The following MLLT1 variants were observed in gnomAD, a reference collection of about 807,000 sequenced individuals.
MLLT1 encodes the protein protein ENL.
MLLT1 carries 11 observed loss-of-function variants against 55.1 expected under a neutral mutation model. The observed-to-expected ratio is 0.20, with a 90% CI of 0.13 to 0.33. MLLT1 has a LOEUF of 0.33. MLLT1 is among the 10% of genes least tolerant of loss of function. The pLI is 1.00. For synonymous variants in MLLT1, 323 were observed against 320.1 expected (o/e 1.01, Z -0.10); for missense variants, 536 against 760.6 (o/e 0.70, Z 3.47).
chr19:6,269,170 C>A (rs541892857), intron 2 of MLLT1, among the ~76,000 whole-genome samples: 3 of 152,222 alleles, frequency 2.0e-5, no homozygotes, highest in African/African-American at 2.4e-5. Flanking sequence ...CGGGCATGGC[C>A]GTGCACCAAT....
At chr19:6,216,752 G>A (rs1286374763) in intron 7 of MLLT1, 4 of 540,412 alleles carry the variant, frequency 7.4e-6, no homozygotes, top group Non-Finnish European at 1.3e-5. Context: ...GGCCCTGCTC[G>A]CAGGCCTCAG....
intron 3 of MLLT1, among the ~76,000 whole-genome samples, chr19:6,243,210 C>T (rs960914967): frequency 3.9e-5 from 6 of 152,190 alleles, no homozygotes; most frequent in African/African-American, 1.2e-4. Flanking sequence ...AGTCCCAGCC[C>T]GAGCAGGGCC....
At position 6,231,203 on chromosome 19, in the gene MLLT1, A is replaced by G. The variant is rs2091006668; in HGVS notation, c.277-490T>C. Among the ~76,000 whole-genome samples, 1 of 152,226 alleles carries G rather than the reference A, an allele frequency of 6.6e-6. No homozygotes were observed. The highest frequency in any genetic ancestry group is 1.5e-5 in the Non-Finnish European group (1 of 68,032). ...CACAGCACCCAGAGGGGGCAAAAGTACAAGGTCACGACCCAGTTTCCAGGA... is the reference window on the plus strand; with the variant it reads ...CACAGCACCCAGAGGGGGCAAAAGTGCAAGGTCACGACCCAGTTTCCAGGA... On this transcript the variant is annotated intron_variant, in intron 3 of 11. Transcript: ENST00000252674. The surrounding 1 kb of genome is among the most constrained non-coding windows in gnomAD (Gnocchi z 5.1).
chr19:6,220,400 C>T (rs1472467535), intron 6 of MLLT1, among the ~76,000 whole-genome samples: 1 of 152,276 alleles, frequency 6.6e-6, no homozygotes. Flanking sequence ...TCAAAAGCCT[C>T]TCAGCACGCG....
At chr19:6,217,522 A>AGGGCAC (rs1237108549) in intron 7 of MLLT1, among the ~76,000 whole-genome samples, 2 of 152,148 alleles carry the variant, frequency 1.3e-5, no homozygotes, top group Non-Finnish European at 2.9e-5. Context: ...GGAGAGGGAG[A>AGGGCAC]GGGCACTCCA....
chr19:6,229,742 T>C lies in MLLT1; in HGVS notation c.420+828A>G, dbSNP rs927420143. 3.3e-5 allele frequency among the ~76,000 whole-genome samples: 5 copies of C among 149,274 alleles called. No individual in the cohort carries two copies. The highest frequency in any genetic ancestry group is 7.4e-5 in the Non-Finnish European group (5 of 67,212). On this transcript the variant is annotated intron_variant, in intron 4 of 11. Transcript: ENST00000252674. This position sits in a 1 kb window ranked among gnomAD's most constrained non-coding sequence, Gnocchi z 5.2. ...CCTACATGCCACACATGCCACACAC[T>C]GTACATGCCACACCCCACACATACA...
At chr19:6,237,955 T>C (rs2091079351) in intron 3 of MLLT1, among the ~76,000 whole-genome samples, 1 of 151,808 alleles carries the variant, frequency 6.6e-6, no homozygotes, top group African/African-American at 2.4e-5. Flanking sequence ...AAATTTTTTT[T>C]AATTAGCTGA....
intron 3 of MLLT1, among the ~76,000 whole-genome samples, chr19:6,249,965 G>A (rs554127292): frequency 2.6e-5 from 4 of 152,104 alleles, no homozygotes; most frequent in African/African-American, 7.2e-5. Flanking sequence ...AGTCTGCAAT[G>A]AGCTGTTATT....
chr19:6,247,563 G>A (rs956979310), intron 3 of MLLT1, among the ~76,000 whole-genome samples: 4 of 152,154 alleles, frequency 2.6e-5, no homozygotes, highest in Admixed American at 6.5e-5. Flanking sequence ...GAGAAGGGAC[G>A]GCTCTTCCTT....
chr19:6,268,121 T>A (rs1036000573), intron 2 of MLLT1, among the ~76,000 whole-genome samples: 2 of 152,082 alleles, frequency 1.3e-5, no homozygotes, highest in Admixed American at 6.5e-5. Flanking sequence ...AGCATATGGC[T>A]GTGTGGGTGT....
chr19:6,212,412 CCCCA>C lies in MLLT1; in HGVS notation c.*626_*629del. ...ACCTACAAGCCCCACCGTACGCACC[CCCCA>C]CCCACCCCACGTGCACTGCTGCCAC... On this transcript the variant is annotated 3_prime_UTR_variant, in exon 12 of 12. Coordinates refer to ENST00000252674, the MANE Select transcript of MLLT1 (RefSeq NM_005934.4). 9.4e-7 allele frequency: 1 copy of C among 1,066,018 alleles called. No individual in the cohort carries two copies. Among genetic ancestry groups the C allele is most frequent in the Non-Finnish European group, 1.1e-6 (1 of 879,598 alleles). 66.0% of individuals were successfully genotyped at this position (1,066,018 alleles called of 1,614,324 possible).
intron 10 of MLLT1, 36 bp from the exon 11 acceptor site, chr19:6,213,444 G>A: frequency 1.3e-6 from 2 of 1,523,868 alleles, no homozygotes; most frequent in South Asian, 1.1e-5. Flanking sequence ...AGCGTGTGGG[G>A]GCCCTGGACC....
chr19:6,270,901 C>T lies in MLLT1; in HGVS notation c.13-142G>A, dbSNP rs2091390495. 1.8e-5 allele frequency: 14 copies of T among 777,166 alleles called. No homozygotes were observed. The highest frequency in any genetic ancestry group is 2.8e-5 in the Non-Finnish European group (14 of 506,540). The allele number at this position is 777,166 out of a possible 1,614,324, so 48.1% of individuals were successfully genotyped here. ...CCAGTGAGCAGCACACAGACGGCTT[C>T]CTATCGCGCCAGCACCTTGCCGCAG... On this transcript the variant is annotated intron_variant, in intron 1 of 11. Coordinates refer to ENST00000252674, the MANE Select transcript of MLLT1 (RefSeq NM_005934.4). This position sits in a 1 kb window ranked among gnomAD's most constrained non-coding sequence, Gnocchi z 7.1.
At chr19:6,239,667 CACCT>C (rs946447241) in intron 3 of MLLT1, among the ~76,000 whole-genome samples, 13 of 152,060 alleles carry the variant, frequency 8.5e-5, no homozygotes, top group African/African-American at 1.4e-4. Flanking sequence ...ACTCATCCCT[CACCT>C]ACCTGTGTAC....
chr19:6,227,893 A>G lies in MLLT1; in HGVS notation c.421-791T>C, dbSNP rs1049307370. Among the ~76,000 whole-genome samples, 1 of 152,204 alleles carries G rather than the reference A, an allele frequency of 6.6e-6. No homozygotes were observed. The highest frequency in any genetic ancestry group is 1.5e-5 in the Non-Finnish European group (1 of 68,034). ...ACCACCACAGAGAAAAGCCTCCCAG[A>G]TGGCCGCAAGAGAGAACAAAAGAAG... On this transcript the variant is annotated intron_variant, in intron 4 of 11. Coordinates refer to ENST00000252674, the MANE Select transcript of MLLT1 (RefSeq NM_005934.4). This position sits in a 1 kb window ranked among gnomAD's most constrained non-coding sequence, Gnocchi z 5.1.
intron 1 of MLLT1, among the ~76,000 whole-genome samples, chr19:6,278,662 G>A (rs574381968): frequency 6.6e-6 from 1 of 152,294 alleles, no homozygotes; most frequent in Admixed American, 6.5e-5. Context: ...CTGGACTGGG[G>A]TCAAGTGTGG....
intron 2 of MLLT1, among the ~76,000 whole-genome samples, chr19:6,266,703 T>C (rs893811978): frequency 3.3e-5 from 5 of 152,174 alleles, no homozygotes; most frequent in Admixed American, 2.0e-4. Flanking sequence ...GTGATCCGCC[T>C]GCCTCAGCCT....
chr19:6,230,129 G>A lies in MLLT1; in HGVS notation c.420+441C>T, dbSNP rs1335564436. Among the ~76,000 whole-genome samples, 4 of 152,152 alleles carry A rather than the reference G, an allele frequency of 2.6e-5. No individual in the cohort carries two copies. The highest frequency in any genetic ancestry group is 2.1e-4 in the South Asian group (1 of 4,830). On this transcript the variant is annotated intron_variant, in intron 4 of 11. Coordinates refer to ENST00000252674, the MANE Select transcript of MLLT1 (RefSeq NM_005934.4). This position sits in a 1 kb window ranked among gnomAD's most constrained non-coding sequence, Gnocchi z 9.0. The stretch of plus-strand genomic sequence containing the variant: ...ACTCCAGCCACCGCATGGGGGTCCC[G>A]GCCACACGACTCCTGGAGAGCCCTG...
At chr19:6,221,426 TG>T (rs1197491182) in intron 6 of MLLT1, among the ~76,000 whole-genome samples, 1 of 152,220 alleles carries the variant, frequency 6.6e-6, no homozygotes, top group African/African-American at 2.4e-5. Context: ...TGCAGTCCTC[TG>T]AGAATGTCCG....
Sources: gnomAD v4.1 joint callset for allele counts (sites outside exome capture counted in the v4.1 genomes callset) on GRCh38, gnomAD v4.1.1 for gene constraint, Gnocchi (gnomAD v3.1) non-coding constraint, MANE v1.5 for transcripts, NCBI Gene and HGNC (gene_info 2026-07-23, HGNC 2026-07-21) for gene names.